Variants in MBD5 observed in about 807,000 individuals in gnomAD.
MBD5 encodes the protein methyl-CpG-binding domain protein 5.
MBD5 carries 13 observed loss-of-function variants against 117.3 expected under a neutral mutation model. That is an observed-to-expected ratio of 0.11 (90% CI 0.07 to 0.18). The LOEUF (loss-of-function observed/expected upper bound fraction) is 0.18. Among genes scored for constraint, MBD5 ranks in the 10% least tolerant of loss-of-function variants. The pLI is 1.00. For missense variants in MBD5, 1,879 were observed against 2,093.8 expected (o/e 0.90, Z 2.00); for synonymous variants, 727 against 766.4 (o/e 0.95, Z 0.85).
intron 1 of MBD5, among the ~76,000 whole-genome samples, chr2:148,118,166 T>A (rs2105385890): frequency 6.6e-6 from 1 of 152,222 alleles, no homozygotes; most frequent in Non-Finnish European, 1.5e-5. Context: ...TGAGAGAATA[T>A]CTGTAATCAT....
chr2:148,464,069 G>A lies in MBD5; in HGVS notation c.397+150G>A, dbSNP rs116117972. 1,181 of 866,124 alleles carry A rather than the reference G, an allele frequency of 1.4e-3. 15 individuals carry two copies. In the African/African-American group the frequency reaches 0.019, roughly 14 times the overall value. The allele number at this position is 866,124 out of a possible 1,614,324, so 53.7% of individuals were successfully genotyped here. A position where few individuals can be genotyped will look rare whatever the true frequency, so the allele number is the denominator to read the frequency against. ...ATGTCCTGTAATTTTATTACAAATA[G>A]CAAACTAGTTCTGAAAAAATATAGT... is the stretch of plus-strand genomic sequence containing the variant. On this transcript the variant is annotated intron_variant, in intron 7 of 13. Transcript: ENST00000642680.
intron 1 of MBD5, chr2:148,041,479 G>A: frequency 6.6e-6 from 1 of 152,174 alleles, no homozygotes; most frequent in East Asian, 1.9e-4. Context: ...CTTAAAAGTA[G>A]CAGATTGTAT....
intron 4 of MBD5, among the ~76,000 whole-genome samples, chr2:148,379,023 TA>T (rs1253811748): frequency 2.0e-5 from 3 of 151,966 alleles, no homozygotes; most frequent in African/African-American, 7.2e-5. Context: ...ATTTGTAGAC[TA>T]AAATGTGAAA....
At chr2:148,484,209 T>TC (rs1278727109) in intron 9 of MBD5, 74 bp downstream of exon 9, 2 of 1,248,400 alleles carry the variant, frequency 1.6e-6, no homozygotes, top group East Asian at 5.3e-5. Context: ...TTTTAAAAAC[T>TC]CCATTTTGTC....
intron 4 of MBD5, among the ~76,000 whole-genome samples, chr2:148,369,340 G>A (rs1222263625): frequency 6.6e-6 from 1 of 151,754 alleles, no homozygotes; most frequent in Non-Finnish European, 1.5e-5. Context: ...GGCATTGTTG[G>A]GACAATTACA....
chr2:148,081,339 T>C (rs1354089317), intron 1 of MBD5, among the ~76,000 whole-genome samples: 1 of 152,190 alleles, frequency 6.6e-6, no homozygotes, highest in East Asian at 1.9e-4. Context: ...TTAATGGTAT[T>C]TGTTGAATGA....
intron 3 of MBD5, among the ~76,000 whole-genome samples, chr2:148,293,481 A>G (rs1453477498): frequency 6.6e-6 from 1 of 152,184 alleles, no homozygotes; most frequent in Non-Finnish European, 1.5e-5. Flanking sequence ...TGCCTGTATC[A>G]AAACATCTCA....
At chr2:148,067,156 T>C (rs1573976469) in intron 1 of MBD5, among the ~76,000 whole-genome samples, 1 of 152,170 alleles carries the variant, frequency 6.6e-6, no homozygotes, top group African/African-American at 2.4e-5. Context: ...CTGTGCAAAA[T>C]AGAATGCAAA....
At chr2:148,263,830 A>G (rs115214837) in intron 3 of MBD5, among the ~76,000 whole-genome samples, 7 of 152,358 alleles carry the variant, frequency 4.6e-5, no homozygotes, top group African/African-American at 7.2e-5. Flanking sequence ...TGCTTTTTAC[A>G]TATAGGCTCC....
At chr2:148,137,252 C>T (rs552336370) in intron 1 of MBD5, among the ~76,000 whole-genome samples, 15 of 152,146 alleles carry the variant, frequency 9.9e-5, no homozygotes, top group Non-Finnish European at 1.0e-4. Context: ...CTTCCTGAAA[C>T]TTTTTCATAA....
intron 3 of MBD5, among the ~76,000 whole-genome samples, chr2:148,240,847 T>C (rs1020819491): frequency 6.6e-5 from 10 of 152,208 alleles, no homozygotes; most frequent in Non-Finnish European, 7.3e-5. Context: ...AGTTTCATAA[T>C]TTGCATGTGA....
At chr2:148,235,030 A>G (rs1339529277) in intron 3 of MBD5, among the ~76,000 whole-genome samples, 1 of 152,150 alleles carries the variant, frequency 6.6e-6, no homozygotes, top group Non-Finnish European at 1.5e-5. Context: ...ACCAAAATCC[A>G]GGAATGTTCA....
chr2:148,294,196 GTTTTTTTTTTTTT>G (rs60942822), intron 3 of MBD5, among the ~76,000 whole-genome samples: 18 of 127,158 alleles, frequency 1.4e-4, no homozygotes, highest in African/African-American at 1.8e-4. Flanking sequence ...CCAGAATGAA[GTTTTTTTTTTTTT>G]TTTTTTTTTT....
At chr2:148,380,005 G>A (rs1221118848) in intron 4 of MBD5, among the ~76,000 whole-genome samples, 1 of 152,062 alleles carries the variant, frequency 6.6e-6, no homozygotes, top group Non-Finnish European at 1.5e-5. Context: ...AATTGCTGAG[G>A]TACTCTGCAA....
At chr2:148,143,721 C>T (rs551023558) in intron 1 of MBD5, among the ~76,000 whole-genome samples, 10 of 152,196 alleles carry the variant, frequency 6.6e-5, no homozygotes, top group South Asian at 2.1e-4. Flanking sequence ...TCTGTCCTTG[C>T]GACAGTTTGC....
chr2:148,061,420 A>G (rs549179840), intron 1 of MBD5, among the ~76,000 whole-genome samples: 2 of 151,674 alleles, frequency 1.3e-5, no homozygotes, highest in African/African-American at 4.8e-5. Context: ...CCCTTCCCCC[A>G]ACTCTTTCCC....
chr2:148,483,695 A>G lies in MBD5; in HGVS notation c.3104A>G (p.His1035Arg). 1 of 1,550,506 alleles carries G rather than the reference A, an allele frequency of 6.4e-7. No individual in the cohort carries two copies. Among genetic ancestry groups the G allele is most frequent in the Non-Finnish European group, 8.7e-7 (1 of 1,146,984 alleles). ...ACACAGATGACAGCCCCACCAGACC[A>G]TTTGCCAAGCAATCAGTCAGACAAC... is the stretch of plus-strand genomic sequence containing the variant. ...SLTQMTAPPD[H>R]LPSNQSDNSR... The change falls in exon 9 of 14, where the codon CAT (histidine) becomes CGT (arginine). Residue 1035 changes from histidine (H) to arginine (R), a missense_variant. By Grantham distance (29) the His-to-Arg change is conservative. Coordinates refer to ENST00000642680, the MANE Select transcript of MBD5 (RefSeq NM_001378120.1).
chr2:148,400,743 AC>A (rs375943391), intron 4 of MBD5, among the ~76,000 whole-genome samples: 31 of 152,286 alleles, frequency 2.0e-4, no homozygotes, highest in African/African-American at 7.2e-4. Context: ...GACTTATCAA[AC>A]TTGCAGTTAG....
intron 4 of MBD5, among the ~76,000 whole-genome samples, chr2:148,377,427 C>A (rs932798794): frequency 6.6e-6 from 1 of 152,146 alleles, no homozygotes; most frequent in Non-Finnish European, 1.5e-5. Context: ...TTGCATCCTT[C>A]AATCCAATCA....
Sources: gnomAD v4.1 joint callset for allele counts (sites outside exome capture counted in the v4.1 genomes callset) on GRCh38, gnomAD v4.1.1 for gene constraint, MANE v1.5 for transcripts, NCBI Gene and HGNC (gene_info 2026-07-23, HGNC 2026-07-21) for gene names.